CRACDL: variants seen among roughly 807,000 people sequenced by gnomAD.
The protein encoded by CRACDL is CRACD like.
A neutral mutation model predicts 70.6 loss-of-function variants in CRACDL; 26 were observed. The ratio of observed to expected loss-of-function variants is 0.37; its 90% CI spans 0.27 to 0.51. CRACDL has a LOEUF of 0.51. Among genes scored for constraint, CRACDL ranks in the 20% least tolerant of loss-of-function variants. The pLI, the probability that CRACDL is intolerant of heterozygous loss-of-function variation, is 0.94. For missense variants in CRACDL, 1,283 were observed against 1,376.9 expected (o/e 0.93, Z 1.08); for synonymous variants, 618 against 615.2 (o/e 1.00, Z -0.07).
At chr2:98,826,237 G>A (rs996310260) in intron 6 of CRACDL, among the ~76,000 whole-genome samples, 2 of 152,190 alleles carry the variant, frequency 1.3e-5, no homozygotes, top group East Asian at 1.9e-4. Context: ...CTGTCTTTCC[G>A]AGGCATGCTC....
chr2:98,857,551 A>G (rs1216906178), intron 1 of CRACDL, among the ~76,000 whole-genome samples: 1 of 152,192 alleles, frequency 6.6e-6, no homozygotes, highest in Non-Finnish European at 1.5e-5. Context: ...CTAAAAAATA[A>G]CAGAAGAAAA....
At chr2:98,811,533 A>AG (rs1427616501) in intron 7 of CRACDL, among the ~76,000 whole-genome samples, 5 of 151,546 alleles carry the variant, frequency 3.3e-5, no homozygotes, top group African/African-American at 1.2e-4. Flanking sequence ...AAAAAAAAAA[A>AG]AAAAAAGAAA....
rs573350018 is a variant in CRACDL, at chr2:98,831,884, T to G, written c.540+464A>C. 1.4e-4 allele frequency among the ~76,000 whole-genome samples: 21 copies of G among 152,164 alleles called. No individual in the cohort carries two copies. In the East Asian group the frequency reaches 3.9e-3, roughly 28 times the overall value. On this transcript the variant is annotated intron_variant, in intron 5 of 9. Transcript: ENST00000397899. ...CCCTGTTTGCCAGCAATACAGCACA[T>G]TACTACCCCTAGGCCAACACCACCT...
intron 1 of CRACDL, among the ~76,000 whole-genome samples, chr2:98,930,074 A>C (rs1217594377): frequency 6.6e-6 from 1 of 152,068 alleles, no homozygotes; most frequent in Admixed American, 6.5e-5. Context: ...AAGGCTGTTC[A>C]ACACACTCAC....
At position 98,823,240 on chromosome 2, in the gene CRACDL, C is replaced by T. The variant is rs925200590; in HGVS notation, c.1033G>A (p.Glu345Lys). The part of the protein sequence containing the change: ...RPATPELAEP[E>K]SAPTLRVEPP... ...TCCACGCGGAGAGTGGGGGCCGACTCGGGCTCGGCGAGCTCCGGGGTGGCC... is the reference window on the plus strand; with the variant it reads ...TCCACGCGGAGAGTGGGGGCCGACTTGGGCTCGGCGAGCTCCGGGGTGGCC... Residue 345 changes from glutamate to lysine, a missense_variant, in exon 7 of 10, where the codon GAG (glutamate) becomes AAG (lysine). By Grantham distance (56) the Glu-to-Lys change is moderately conservative. Transcript: ENST00000397899. The surrounding 1 kb of genome is among the most constrained non-coding windows in gnomAD (Gnocchi z 4.0). The T allele has an allele frequency of 3.6e-6, 5 of 1,402,886 alleles. No homozygotes were observed. The highest frequency in any genetic ancestry group is 6.7e-5 in the Admixed American group (2 of 30,022). The allele number at this position is 1,402,886 out of a possible 1,614,324, so 86.9% of individuals were successfully genotyped here.
At chr2:98,806,300 G>A (rs901155028) in intron 7 of CRACDL, among the ~76,000 whole-genome samples, 17 of 152,210 alleles carry the variant, frequency 1.1e-4, no homozygotes, top group African/African-American at 3.9e-4. Flanking sequence ...AAAAACAATC[G>A]TTGAGTCACA....
chr2:98,887,818 T>C (rs775094818), intron 1 of CRACDL, among the ~76,000 whole-genome samples: 1 of 152,180 alleles, frequency 6.6e-6, no homozygotes, highest in Non-Finnish European at 1.5e-5. Context: ...CATGAAAAGT[T>C]ATGGATGCCA....
chr2:98,935,052 G>A (rs1397120297), intron 1 of CRACDL, among the ~76,000 whole-genome samples: 1 of 152,190 alleles, frequency 6.6e-6, no homozygotes, highest in Non-Finnish European at 1.5e-5. Flanking sequence ...TGCGCCCGTG[G>A]GACCGAGCTC....
intron 1 of CRACDL, among the ~76,000 whole-genome samples, chr2:98,915,569 T>A (rs1444305529): frequency 6.6e-6 from 1 of 151,934 alleles, no homozygotes; most frequent in Admixed American, 6.6e-5. Flanking sequence ...GGGACAGCCA[T>A]CAGCTCTGCC....
At position 98,915,869 on chromosome 2, in the gene CRACDL, C is replaced by T. The variant is rs369231296; in HGVS notation, c.-11+20069G>A. ...CCTGGCACCCAAATCAAAGCTCTGA[C>T]CATGAGGACATGCTTTCTAGGCAGC... On this transcript the variant is annotated intron_variant, in intron 1 of 9. Coordinates refer to ENST00000397899, the MANE Select transcript of CRACDL (RefSeq NM_207362.3). Among the ~76,000 whole-genome samples, 7 of 152,284 alleles carry T rather than the reference C, an allele frequency of 4.6e-5. No individual in the cohort carries two copies. In the East Asian group the frequency reaches 1.2e-3, roughly 25 times the overall value.
chr2:98,823,679 G>A lies in CRACDL; in HGVS notation c.736-142C>T, dbSNP rs1705193554. 2 of 1,031,982 alleles carry A rather than the reference G, an allele frequency of 1.9e-6. No homozygotes were observed. The highest frequency in any genetic ancestry group is 1.4e-5 in the South Asian group (1 of 70,442). The allele number at this position is 1,031,982 out of a possible 1,614,324, so 63.9% of individuals were successfully genotyped here. On this transcript the variant is annotated intron_variant, in intron 6 of 9. Transcript: ENST00000397899. This position sits in a 1 kb window ranked among gnomAD's most constrained non-coding sequence, Gnocchi z 4.0. Reference sequence around the variant, plus strand: ...CACTTAAGTAGGCATGTACCCACGGGTGTCTTTTCTCAGTCTGTATCCTAC... The same window carrying A: ...CACTTAAGTAGGCATGTACCCACGGATGTCTTTTCTCAGTCTGTATCCTAC...
At chr2:98,909,004 C>T (rs537924606) in intron 1 of CRACDL, among the ~76,000 whole-genome samples, 28 of 152,188 alleles carry the variant, frequency 1.8e-4, no homozygotes, top group South Asian at 1.2e-3. Flanking sequence ...TGCCCAGCCC[C>T]GTGTTTAAAA....
At chr2:98,805,930 A>G (rs547270232) in intron 7 of CRACDL, among the ~76,000 whole-genome samples, 1 of 152,382 alleles carries the variant, frequency 6.6e-6, no homozygotes, top group East Asian at 1.9e-4. Flanking sequence ...TGGCAGAAAG[A>G]CAAAAGCCAC....
At chr2:98,842,057 T>A (rs78490612) in intron 2 of CRACDL, among the ~76,000 whole-genome samples, 2 of 152,134 alleles carry the variant, frequency 1.3e-5, no homozygotes, top group African/African-American at 4.8e-5. Flanking sequence ...TTGGGATTCA[T>A]TGGGTTTCTT....
intron 2 of CRACDL, among the ~76,000 whole-genome samples, chr2:98,845,982 T>A (rs1706238371): frequency 6.6e-6 from 1 of 152,226 alleles, no homozygotes; most frequent in African/African-American, 2.4e-5. Flanking sequence ...TATTGGGAGC[T>A]GTTTCTCCTG....
At chr2:98,860,560 T>A (rs183915274) in intron 1 of CRACDL, among the ~76,000 whole-genome samples, 2 of 152,298 alleles carry the variant, frequency 1.3e-5, no homozygotes. Context: ...CTGGAACAAG[T>A]AGACATCGAC....
chr2:98,921,743 C>T (rs1708807340), intron 1 of CRACDL, among the ~76,000 whole-genome samples: 2 of 152,188 alleles, frequency 1.3e-5, no homozygotes, highest in South Asian at 2.1e-4. Context: ...ACAGAACAGC[C>T]TCTGTCTGAG....
intron 1 of CRACDL, among the ~76,000 whole-genome samples, chr2:98,929,789 A>T (rs1709024887): frequency 6.6e-6 from 1 of 151,008 alleles, no homozygotes; most frequent in African/African-American, 2.5e-5. Context: ...GCAATGGGTG[A>T]ATCTCATAGG....
intron 1 of CRACDL, among the ~76,000 whole-genome samples, chr2:98,927,935 C>G (rs1294458448): frequency 6.6e-6 from 1 of 152,114 alleles, no homozygotes; most frequent in Non-Finnish European, 1.5e-5. Flanking sequence ...AATCCCAGCA[C>G]TTTGAGAGGC....
Sources: allele counts gnomAD v4.1 joint callset (sites outside exome capture counted in the v4.1 genomes callset), GRCh38; gene constraint gnomAD v4.1.1; non-coding constraint Gnocchi (gnomAD v3.1); transcripts MANE v1.5; gene names NCBI Gene and HGNC (gene_info 2026-07-23, HGNC 2026-07-21).